The following CNTN5 variants were observed in gnomAD, a reference collection of about 807,000 sequenced individuals.
CNTN5 encodes the protein contactin-5.
In CNTN5, 77 loss-of-function variants were observed where a neutral mutation model predicts 129.1. The observed-to-expected ratio is 0.60, with a 90% CI of 0.50 to 0.72. The LOEUF (loss-of-function observed/expected upper bound fraction) is 0.72, where lower values mean the gene tolerates loss of function less well. CNTN5 is among the 30% of genes least tolerant of loss of function. The pLI is 0.00. For synonymous variants in CNTN5, 509 were observed against 465.6 expected (o/e 1.09, Z -1.20); for missense variants, 1,478 against 1,328.8 (o/e 1.11, Z -1.75).
chr11:100,221,095 A>C (rs1474962614), intron 15 of CNTN5, among the ~76,000 whole-genome samples: 9 of 152,228 alleles, frequency 5.9e-5, no homozygotes, highest in Non-Finnish European at 1.3e-4. Context: ...GAGCATAAAC[A>C]GAGGGAAAGC....
chr11:99,329,962 C>T (rs988009909), intron 2 of CNTN5, among the ~76,000 whole-genome samples: 31 of 141,994 alleles, frequency 2.2e-4, no homozygotes, highest in Non-Finnish European at 4.6e-4. Context: ...CACACAATCC[C>T]TTATATTTAA....
intron 2 of CNTN5, among the ~76,000 whole-genome samples, chr11:99,362,966 T>G (rs1939214183): frequency 6.6e-6 from 1 of 152,094 alleles, no homozygotes; most frequent in Non-Finnish European, 1.5e-5. Flanking sequence ...TCCAACTTTA[T>G]TTTTCTTTTT....
chr11:99,505,967 A>C (rs1346129219), intron 2 of CNTN5, among the ~76,000 whole-genome samples: 1 of 152,160 alleles, frequency 6.6e-6, no homozygotes, highest in African/African-American at 2.4e-5. Flanking sequence ...TGTTCTTTTC[A>C]CTTTTCAAAG....
intron 2 of CNTN5, among the ~76,000 whole-genome samples, chr11:99,401,788 T>C (rs1251065777): frequency 1.4e-5 from 2 of 141,516 alleles, no homozygotes; most frequent in Admixed American, 1.4e-4. Context: ...ATTATGGAGG[T>C]TTTTTTCCTT....
At position 100,029,674 on chromosome 11, in the gene CNTN5, C is replaced by A. The variant is rs552654626; in HGVS notation, c.980+27538C>A. On this transcript the variant is annotated intron_variant, in intron 9 of 24. Transcript: ENST00000524871. The stretch of plus-strand genomic sequence containing the variant: ...GGTAAATTTGAGTCTGCTATTCCTT[C>A]ATAATTGAGACTGACTGTGGAGTAT... Among the ~76,000 whole-genome samples the A allele has an allele frequency of 1.2e-4, 19 of 152,270 alleles. 1 individual carries two copies. The South Asian group carries it at 2.5e-3, about 20-fold the overall frequency.
chr11:100,001,511 A>C (rs1343941241), intron 8 of CNTN5, among the ~76,000 whole-genome samples: 1 of 152,216 alleles, frequency 6.6e-6, no homozygotes, highest in South Asian at 2.1e-4. Flanking sequence ...AATTTGATAG[A>C]TAGCTTTTCT....
intron 17 of CNTN5, among the ~76,000 whole-genome samples, chr11:100,257,064 G>A (rs896228520): frequency 6.6e-6 from 1 of 152,152 alleles, no homozygotes; most frequent in Non-Finnish European, 1.5e-5. Context: ...ATTCTCAACA[G>A]TCTGAAGTTG....
chr11:99,138,414 A>G (rs972524041), intron 1 of CNTN5, among the ~76,000 whole-genome samples: 1 of 152,180 alleles, frequency 6.6e-6, no homozygotes, highest in Non-Finnish European at 1.5e-5. Flanking sequence ...GGAGTGAGTG[A>G]TTTTTAAAAA....
chr11:100,292,684 C>G (rs1951016231), intron 18 of CNTN5, among the ~76,000 whole-genome samples: 2 of 151,898 alleles, frequency 1.3e-5, no homozygotes. Context: ...CATAGCAAAT[C>G]CATCTTCTAA....
intron 13 of CNTN5, among the ~76,000 whole-genome samples, chr11:100,162,150 T>C (rs1037115175): frequency 6.6e-6 from 1 of 151,838 alleles, no homozygotes; most frequent in Non-Finnish European, 1.5e-5. Context: ...TGTTCTCATC[T>C]GCAACATCCA....
intron 1 of CNTN5, among the ~76,000 whole-genome samples, chr11:99,031,877 T>C (rs998725192): frequency 6.6e-5 from 10 of 150,442 alleles, no homozygotes; most frequent in African/African-American, 2.2e-4. Context: ...TAACTCGTCA[T>C]CTAGCATTAG....
intron 1 of CNTN5, among the ~76,000 whole-genome samples, chr11:99,117,305 A>C (rs1858088367): frequency 6.6e-6 from 1 of 152,160 alleles, no homozygotes; most frequent in Non-Finnish European, 1.5e-5. Flanking sequence ...TATAATCAGC[A>C]CACAGATTAA....
intron 15 of CNTN5, among the ~76,000 whole-genome samples, chr11:100,217,089 A>G (rs529399652): frequency 6.6e-6 from 1 of 152,306 alleles, no homozygotes; most frequent in East Asian, 1.9e-4. Flanking sequence ...TTTTTCTGCA[A>G]TGACTTTTTG....
chr11:99,524,572 G>A (rs959963838), intron 2 of CNTN5, among the ~76,000 whole-genome samples: 6 of 152,042 alleles, frequency 3.9e-5, no homozygotes, highest in Non-Finnish European at 7.4e-5. Flanking sequence ...AGCACTTTGG[G>A]AGGCTGAGGC....
In CNTN5 at chr11:100,351,820, G is replaced by A. The variant is rs530752576; in HGVS notation, c.3199+950G>A. Among the ~76,000 whole-genome samples the A allele has an allele frequency of 3.3e-5, 5 of 151,628 alleles. No homozygotes were observed. In the South Asian group the frequency reaches 1.0e-3, roughly 31 times the overall value. ...TGCCAAGCAGAATTATCAACCTACA[G>A]GGAAGTGTCCCGTCATGCTCTGTAT... On this transcript the variant is annotated intron_variant, in intron 24 of 24. Transcript: ENST00000524871.
At chr11:100,284,878 A>G (rs568380981) in intron 18 of CNTN5, among the ~76,000 whole-genome samples, 1 of 152,350 alleles carries the variant, frequency 6.6e-6, no homozygotes, top group East Asian at 1.9e-4. Flanking sequence ...CTTTTAAAGA[A>G]AAAGAAATTG....
intron 1 of CNTN5, among the ~76,000 whole-genome samples, chr11:99,277,740 T>C (rs1323573842): frequency 6.6e-6 from 1 of 151,750 alleles, no homozygotes; most frequent in African/African-American, 2.4e-5. Flanking sequence ...ATTTTAAATA[T>C]AGGTTCCTGA....
intron 1 of CNTN5, among the ~76,000 whole-genome samples, chr11:99,303,310 C>G (rs1864724899): frequency 1.3e-5 from 2 of 151,464 alleles, no homozygotes; most frequent in Admixed American, 1.3e-4. Flanking sequence ...GCTTAACTCA[C>G]TATTTAAAAA....
intron 4 of CNTN5, among the ~76,000 whole-genome samples, chr11:99,824,434 CTG>C (rs1946891719): frequency 1.3e-5 from 2 of 151,968 alleles, no homozygotes; most frequent in Non-Finnish European, 2.9e-5. Flanking sequence ...TATATGTTGA[CTG>C]TTATTTCTGT....
Sources: allele counts gnomAD v4.1 joint callset (sites outside exome capture counted in the v4.1 genomes callset), GRCh38; gene constraint gnomAD v4.1.1; transcripts MANE v1.5; gene names NCBI Gene and HGNC (gene_info 2026-07-23, HGNC 2026-07-21).